The following TBC1D16 variants were observed in gnomAD, a reference collection of about 807,000 sequenced individuals.
The protein encoded by TBC1D16 is CTD-2529O21.1.
A neutral mutation model predicts 74.7 loss-of-function variants in TBC1D16; 58 were observed. That is an observed-to-expected ratio of 0.78 (90% CI 0.63 to 0.97). The LOEUF is 0.97. Ranked by LOEUF, TBC1D16 falls within the 50% of genes least tolerant of loss-of-function variation. TBC1D16 has a pLI of 0.00. For synonymous variants in TBC1D16, 493 were observed against 474.7 expected, an observed-to-expected ratio of 1.04 and a Z score of -0.50; for missense variants, 1,014 against 1,079.5, an observed-to-expected ratio of 0.94 and a Z score of 0.85.
rs566838094 is a variant in TBC1D16 at position 79,940,599 on chromosome 17, C to T, written c.*260G>A. 2.2e-4 allele frequency: 78 copies of T among 356,288 alleles called. No individual in the cohort carries two copies. Among genetic ancestry groups the T allele is most frequent in the South Asian group, 3.6e-4 (3 of 8,366 alleles). The allele number at this position is 356,288 out of a possible 1,614,324, so 22.1% of individuals were successfully genotyped here. On this transcript the variant is annotated 3_prime_UTR_variant, in exon 12 of 12. Transcript: ENST00000310924. The surrounding 1 kb of genome is among the most constrained non-coding windows in gnomAD (Gnocchi z 5.4). ...CCAGCAGGAGAGCCCAGCCAGCCTGCGTCTCAGGTGCGGTGGCTGCGCGTT... is the reference window on the plus strand; with the variant it reads ...CCAGCAGGAGAGCCCAGCCAGCCTGTGTCTCAGGTGCGGTGGCTGCGCGTT...
At chr17:80,034,388 TGGGG>T (rs35502414) in intron 1 of TBC1D16, among the ~76,000 whole-genome samples, 1 of 151,566 alleles carries the variant, frequency 6.6e-6, no homozygotes, top group Admixed American at 6.6e-5. Flanking sequence ...TTAGTAGATA[TGGGG>T]GGTTTCACCA....
chr17:79,965,476 C>A (rs962659574), intron 3 of TBC1D16, among the ~76,000 whole-genome samples: 1 of 152,080 alleles, frequency 6.6e-6, no homozygotes, highest in Admixed American at 6.6e-5. Flanking sequence ...GGCAAAATAA[C>A]CAATTATCGT....
Position 79,975,019 on chromosome 17 carries a change from G to C in TBC1D16, c.780-22201C>G, listed in dbSNP as rs1339612011. 6.6e-6 allele frequency among the ~76,000 whole-genome samples: 1 copy of C among 152,180 alleles called. No homozygotes were observed. Among genetic ancestry groups the C allele is most frequent in the Non-Finnish European group, 1.5e-5 (1 of 68,028 alleles). On this transcript the variant is annotated intron_variant, in intron 3 of 11. Coordinates refer to ENST00000310924, the MANE Select transcript of TBC1D16 (RefSeq NM_019020.4). This position sits in a 1 kb window ranked among gnomAD's most constrained non-coding sequence, Gnocchi z 4.5. ...CAGCCACTGCGCCCTCTATAGGTAAGAAGGCCCAAGGAAGAAGCCCTCTGC... is the reference window on the plus strand; with the variant it reads ...CAGCCACTGCGCCCTCTATAGGTAACAAGGCCCAAGGAAGAAGCCCTCTGC...
intron 3 of TBC1D16, among the ~76,000 whole-genome samples, chr17:79,960,294 G>T (rs1026348994): frequency 6.6e-6 from 1 of 152,136 alleles, no homozygotes; most frequent in Non-Finnish European, 1.5e-5. Context: ...ATGGGCAAAA[G>T]ATTTGAAAAG....
intron 1 of TBC1D16, among the ~76,000 whole-genome samples, chr17:80,016,890 T>C (rs2036108730): frequency 6.6e-6 from 1 of 152,176 alleles, no homozygotes; most frequent in South Asian, 2.1e-4. Flanking sequence ...TTCCCATGTC[T>C]TTCCTCTGAC....
At position 80,001,049 on chromosome 17, in the gene TBC1D16, CGGCTGGGCGCCT is replaced by C. The variant is rs1168132847; in HGVS notation, c.779+9099_779+9110del. 1.3e-5 allele frequency among the ~76,000 whole-genome samples: 2 copies of C among 152,214 alleles called. No individual in the cohort carries two copies. Among genetic ancestry groups the C allele is most frequent in the South Asian group, 4.1e-4 (2 of 4,834 alleles). ...GGCAGCCAGGGAGGGGACCAGTGCT[CGGCTGGGCGCCT>C]GCTTGGCTTCTCCGCCTGACAGTGA... On this transcript the variant is annotated intron_variant, in intron 3 of 11. Coordinates refer to ENST00000310924, the MANE Select transcript of TBC1D16 (RefSeq NM_019020.4). The surrounding 1 kb of genome is among the most constrained non-coding windows in gnomAD (Gnocchi z 5.8).
Position 79,956,393 on chromosome 17 carries a change from A to G in TBC1D16, c.780-3575T>C, listed in dbSNP as rs1568587223. 6.6e-6 allele frequency among the ~76,000 whole-genome samples: 1 copy of G among 152,196 alleles called. No individual in the cohort carries two copies. The highest frequency in any genetic ancestry group is 1.5e-5 in the Non-Finnish European group (1 of 68,040). On this transcript the variant is annotated intron_variant, in intron 3 of 11. Coordinates refer to ENST00000310924, the MANE Select transcript of TBC1D16 (RefSeq NM_019020.4). The surrounding 1 kb of genome is among the most constrained non-coding windows in gnomAD (Gnocchi z 4.0). ...CTCAGTCTCCCAAGTAGCTGGGACT[A>G]CAGGCACTCACCACCACATTTGGCT...
chr17:79,980,866 G>A lies in TBC1D16; in HGVS notation c.780-28048C>T, dbSNP rs149991176. On this transcript the variant is annotated intron_variant, in intron 3 of 11. Coordinates refer to ENST00000310924, the MANE Select transcript of TBC1D16 (RefSeq NM_019020.4). This position sits in a 1 kb window ranked among gnomAD's most constrained non-coding sequence, Gnocchi z 7.0. ...GTTACTGTTCCTGCAGGCTGGAAGG[G>A]GAGCCTGTGAGTTGAGCCAGAGCTG... is the stretch of plus-strand genomic sequence containing the variant. Among the ~76,000 whole-genome samples the A allele has an allele frequency of 1.7e-3, 262 of 152,334 alleles. No homozygotes were observed. The highest frequency in any genetic ancestry group is 6.2e-3 in the African/African-American group (258 of 41,580).
In TBC1D16 at chr17:79,942,214, G is replaced by A. The variant is rs1210572617; in HGVS notation, c.1909-8C>T. ...AAGGTGGAAGTAGTCCGTCTGTGGA[G>A]GCGGGTAGAGTTCAGACACGGGCTC... On this transcript the variant is annotated splice_region_variant and splice_polypyrimidine_tract_variant and intron_variant, in intron 10 of 11. Coordinates refer to ENST00000310924, the MANE Select transcript of TBC1D16 (RefSeq NM_019020.4). 6.3e-7 allele frequency: 1 copy of A among 1,583,318 alleles called. No individual in the cohort carries two copies. Among genetic ancestry groups the A allele is most frequent in the Middle Eastern group, 1.7e-4 (1 of 6,014 alleles).
At chr17:79,949,950 G>A (rs1047450365) in intron 6 of TBC1D16, 85 bp from the exon 7 acceptor site, 1 of 1,486,198 alleles carries the variant, frequency 6.7e-7, no homozygotes, top group Middle Eastern at 1.9e-4. Flanking sequence ...GTGTTTTGGT[G>A]GTTTTTGGTG....
chr17:79,952,894 G>A (rs1173227625), intron 3 of TBC1D16, 76 bp from the exon 4 acceptor site: 35 of 1,517,840 alleles, frequency 2.3e-5, no homozygotes, highest in Middle Eastern at 2.4e-4. Flanking sequence ...GGGGTCATGG[G>A]GGAGTCATTT....
Position 80,008,225 on chromosome 17 carries a change from AC to A in TBC1D16, c.779+1934del, listed in dbSNP as rs1045568754. On this transcript the variant is annotated intron_variant, in intron 3 of 11. Coordinates refer to ENST00000310924, the MANE Select transcript of TBC1D16 (RefSeq NM_019020.4). The surrounding 1 kb of genome is among the most constrained non-coding windows in gnomAD (Gnocchi z 4.5). ...GAAAAGCGAACCGGGGTGCATTCTC[AC>A]AATACCCCCAGAAAGTGGATATTAC... Among the ~76,000 whole-genome samples the A allele has an allele frequency of 2.0e-5, 3 of 152,102 alleles. No homozygotes were observed. The highest frequency in any genetic ancestry group is 7.2e-5 in the African/African-American group (3 of 41,412).
At chr17:79,946,022 G>A (rs1235131205) in intron 9 of TBC1D16, among the ~76,000 whole-genome samples, 1 of 152,220 alleles carries the variant, frequency 6.6e-6, no homozygotes, top group Non-Finnish European at 1.5e-5. Flanking sequence ...CCTTGCAGAT[G>A]CTCCACTCCC....
chr17:80,030,862 G>A (rs982329883), intron 1 of TBC1D16, among the ~76,000 whole-genome samples: 1 of 152,238 alleles, frequency 6.6e-6, no homozygotes, highest in South Asian at 2.1e-4. Flanking sequence ...GGAGCAACAC[G>A]CACTGAGCCC....
intron 3 of TBC1D16, among the ~76,000 whole-genome samples, chr17:79,955,395 C>A (rs1462198554): frequency 1.3e-5 from 2 of 152,148 alleles, no homozygotes; most frequent in African/African-American, 4.8e-5. Flanking sequence ...GCAGAACACA[C>A]AGACATTTAA....
chr17:79,998,245 G>C (rs956952743), intron 3 of TBC1D16, among the ~76,000 whole-genome samples: 2 of 151,188 alleles, frequency 1.3e-5, no homozygotes, highest in African/African-American at 2.4e-5. Flanking sequence ...AGCAGGTGTT[G>C]ATCTGTTTAC....
intron 3 of TBC1D16, among the ~76,000 whole-genome samples, chr17:79,978,595 G>A (rs1044642228): frequency 5.3e-5 from 8 of 152,190 alleles, no homozygotes; most frequent in African/African-American, 1.9e-4. Flanking sequence ...GGGAAATTAA[G>A]AAAAATTCCA....
intron 3 of TBC1D16, among the ~76,000 whole-genome samples, chr17:79,974,783 G>A (rs371205333): frequency 6.6e-5 from 10 of 152,206 alleles, no homozygotes; most frequent in East Asian, 3.8e-4. Flanking sequence ...AGCAAAGGCT[G>A]CACCAACTCA....
At position 80,008,663 on chromosome 17, in the gene TBC1D16, T is replaced by A. The variant is rs893929445; in HGVS notation, c.779+1497A>T. 1.3e-5 allele frequency among the ~76,000 whole-genome samples: 2 copies of A among 152,038 alleles called. No homozygotes were observed. The highest frequency in any genetic ancestry group is 6.6e-5 in the Admixed American group (1 of 15,262). ...CCCGCCTCCCCCACACCTCCTCGGG[T>A]TCCCTGGCGCCTGACGCCACCCAGC... On this transcript the variant is annotated intron_variant, in intron 3 of 11. Transcript: ENST00000310924. The surrounding 1 kb of genome is among the most constrained non-coding windows in gnomAD (Gnocchi z 4.5).
Sources: allele counts gnomAD v4.1 joint callset (sites outside exome capture counted in the v4.1 genomes callset), GRCh38; gene constraint gnomAD v4.1.1; non-coding constraint Gnocchi (gnomAD v3.1); transcripts MANE v1.5; gene names NCBI Gene and HGNC (gene_info 2026-07-23, HGNC 2026-07-21).